Variants in NLRP14 observed in about 807,000 individuals in gnomAD.
NLRP14 encodes NACHT, LRR and PYD domains-containing protein 14.
In NLRP14, 105 loss-of-function variants were observed where a neutral mutation model predicts 94.7. The observed-to-expected ratio is 1.11, with a 90% CI of 0.95 to 1.30. The LOEUF is 1.30. Among genes scored for constraint, NLRP14 ranks in the 50% most tolerant of loss-of-function variants. The probability of loss-of-function intolerance (pLI) is 0.00; values close to 1 mark genes in which losing one functional copy is unlikely to be tolerated. For missense variants in NLRP14, 1,362 were observed against 1,254.1 expected, an observed-to-expected ratio of 1.09 and a Z score of -1.30; for synonymous variants, 508 against 459.9, an observed-to-expected ratio of 1.10 and a Z score of -1.34.
At chr11:7,087,457 G>C in the NLRP14 span, among the ~76,000 whole-genome samples, 1 of 152,122 alleles carries the variant, frequency 6.6e-6, no homozygotes, top group Non-Finnish European at 1.5e-5. Context: ...GTGGCTATCT[G>C]GTCTTATTGT....
At chr11:7,040,947 C>T (rs988551175) in intron 3 of NLRP14, among the ~76,000 whole-genome samples, 3 of 152,064 alleles carry the variant, frequency 2.0e-5, no homozygotes, top group African/African-American at 4.8e-5. Flanking sequence ...GATAATTGCA[C>T]ACAGATAGCT....
intron 1 of NLRP14, among the ~76,000 whole-genome samples, chr11:7,035,237 C>T (rs551034746): frequency 6.6e-6 from 1 of 152,294 alleles, no homozygotes; most frequent in South Asian, 2.1e-4. Flanking sequence ...ATGAGAATCG[C>T]TTGAACCCAG....
At chr11:7,059,861 A>T (rs1233994939) in intron 8 of NLRP14, 33 bp from the exon 9 acceptor site, 2 of 1,577,448 alleles carry the variant, frequency 1.3e-6, no homozygotes, top group African/African-American at 2.7e-5. Flanking sequence ...TAGAGCAATG[A>T]TTCCATCTTT....
At chr11:7,066,039 C>T (rs1411305604) in intron 10 of NLRP14, among the ~76,000 whole-genome samples, 1 of 152,172 alleles carries the variant, frequency 6.6e-6, no homozygotes, top group Non-Finnish European at 1.5e-5. Context: ...GACATGAACT[C>T]ATCCTTTTTT....
At position 7,029,487 on chromosome 11, in the gene NLRP14, A is replaced by G. The variant is rs936202062; in HGVS notation, c.-22+8717A>G. Among the ~76,000 whole-genome samples the G allele has an allele frequency of 3.3e-5, 5 of 152,346 alleles. No homozygotes were observed. The South Asian group carries it at 1.0e-3, about 32-fold the overall frequency. On this transcript the variant is annotated intron_variant, in intron 1 of 11. Coordinates refer to ENST00000299481, the MANE Select transcript of NLRP14 (RefSeq NM_176822.4). Reference sequence around the variant, plus strand: ...TATAAACGCCTCTATCCTCTTCCACACATTTACCACAGAAGATACAGTGTT... The same window carrying G: ...TATAAACGCCTCTATCCTCTTCCACGCATTTACCACAGAAGATACAGTGTT...
At chr11:7,061,321 C>T (rs929622822) in intron 9 of NLRP14, among the ~76,000 whole-genome samples, 1 of 152,086 alleles carries the variant, frequency 6.6e-6, no homozygotes, top group Non-Finnish European at 1.5e-5. Context: ...CAAAGTTTTA[C>T]TTAATGGATG....
At chr11:7,039,560 T>G (rs926826710) in intron 2 of NLRP14, among the ~76,000 whole-genome samples, 154 bp from the exon 3 acceptor site, 1 of 152,142 alleles carries the variant, frequency 6.6e-6, no homozygotes, top group African/African-American at 2.4e-5. Flanking sequence ...TCAGCTAAGC[T>G]TATGGAGTCT....
intron 1 of NLRP14, among the ~76,000 whole-genome samples, chr11:7,029,231 G>T (rs1292376364): frequency 2.0e-5 from 3 of 152,104 alleles, no homozygotes; most frequent in African/African-American, 7.2e-5. Flanking sequence ...GAAGTGACAA[G>T]TTCTTTCAAT....
At chr11:7,076,091 T>C (rs1565030619), downstream of NLRP14, among the ~76,000 whole-genome samples, 1 of 152,188 alleles carries the variant, frequency 6.6e-6, no homozygotes, top group East Asian at 1.9e-4. Context: ...ACAGTGGTGA[T>C]GGTTAGAATA....
intron 1 of NLRP14, among the ~76,000 whole-genome samples, chr11:7,025,887 G>C (rs1302791643): frequency 6.6e-6 from 1 of 151,998 alleles, no homozygotes; most frequent in Non-Finnish European, 1.5e-5. Context: ...TTGTGTTTCA[G>C]AATTAGAACT....
intron 4 of NLRP14, among the ~76,000 whole-genome samples, chr11:7,045,624 G>C (rs545964080): frequency 6.6e-6 from 1 of 152,174 alleles, no homozygotes; most frequent in Non-Finnish European, 1.5e-5. Flanking sequence ...GACCTCAAGT[G>C]ATATAGACCA....
Position 7,049,850 on chromosome 11 carries a change from ATTGTTTTGTC to A in NLRP14, c.2291+22_2291+31del, listed in dbSNP as rs1852417097. 2 of 1,609,862 alleles carry A rather than the reference ATTGTTTTGTC, an allele frequency of 1.2e-6. No individual in the cohort carries two copies. The highest frequency in any genetic ancestry group is 1.7e-6 in the Non-Finnish European group (2 of 1,176,328). On this transcript the variant is annotated intron_variant, in intron 6 of 11. Transcript: ENST00000299481. The stretch of plus-strand genomic sequence containing the variant: ...CTACAGACTCTCAGGTAAGCTTTGA[ATTGTTTTGTC>A]TTGTTTTGTTTTTATAATTGAGGCT...
At chr11:7,033,287 G>C (rs2119578209) in intron 1 of NLRP14, among the ~76,000 whole-genome samples, 1 of 152,296 alleles carries the variant, frequency 6.6e-6, no homozygotes, top group East Asian at 1.9e-4. Flanking sequence ...TAATTGCTCT[G>C]TCATAGTGTA....
In NLRP14 at chr11:7,038,783, A is replaced by G. The variant is rs1413094787; in HGVS notation, c.197A>G (p.Tyr66Cys). 1 of 1,613,442 alleles carries G rather than the reference A, an allele frequency of 6.2e-7. No individual in the cohort carries two copies. The highest frequency in any genetic ancestry group is 1.1e-5 in the South Asian group (1 of 90,912). The change falls in exon 2 of 12, where the codon TAT (tyrosine) becomes TGT (cysteine). Residue 66 changes from tyrosine (Y) to cysteine (C), a missense_variant. Tyr to Cys is a radical substitution (Grantham distance 194). Transcript: ENST00000299481. ...EDLANLMKKY[Y>C]PGEKAWSVSL... Reference sequence around the variant, plus strand: ...CTGGCCAATTTGATGAAGAAATATTATCCAGGAGAGAAAGCCTGGAGTGTG... The same window carrying G: ...CTGGCCAATTTGATGAAGAAATATTGTCCAGGAGAGAAAGCCTGGAGTGTG...
In NLRP14 at chr11:7,049,688, T is replaced by A; in HGVS notation, c.2141T>A (p.Phe714Tyr). The A allele has an allele frequency of 1.9e-6, 3 of 1,612,606 alleles. No homozygotes were observed. The South Asian group carries it at 3.3e-5, about 18-fold the overall frequency. Reference protein sequence around the residue: ...LQKLLLKFITFPDGCQDISTS... With the variant: ...LQKLLLKFITYPDGCQDISTS... ...TTCTGAAGGTTGAAATTTATCACTT[T>A]CCCTGATGGTTGTCAGGATATCTCT... Residue 714 changes from phenylalanine (F) to tyrosine (Y), a missense_variant, in exon 6 of 12, where the codon TTC (phenylalanine) becomes TAC (tyrosine). Phe to Tyr is a conservative substitution (Grantham distance 22). Transcript: ENST00000299481.
intron 2 of NLRP14, among the ~76,000 whole-genome samples, chr11:7,039,102 C>T (rs1240996558): frequency 6.6e-6 from 1 of 152,118 alleles, no homozygotes; most frequent in African/African-American, 2.4e-5. Context: ...GGCAATTCAT[C>T]CATCTTGTAC....
intron 1 of NLRP14, among the ~76,000 whole-genome samples, chr11:7,033,938 A>G (rs1019251693): frequency 3.3e-5 from 5 of 152,224 alleles, no homozygotes; most frequent in African/African-American, 1.2e-4. Context: ...CAGTATCAAT[A>G]GCACATACGA....
At position 7,070,540 on chromosome 11, in the gene NLRP14, C is replaced by CAA. The variant is rs1852778764; in HGVS notation, c.3146+84_3146+85insAA. On this transcript the variant is annotated intron_variant, in intron 11 of 11. Coordinates refer to ENST00000299481, the MANE Select transcript of NLRP14 (RefSeq NM_176822.4). The stretch of plus-strand genomic sequence containing the variant: ...CACTCATTAATACAGGCCTCAGAAT[C>CAA]CACCTAATTGTGTATCATTGGGTAT... 3 of 934,266 alleles carry CAA rather than the reference C, an allele frequency of 3.2e-6. No individual in the cohort carries two copies. In the African/African-American group the frequency reaches 4.9e-5, roughly 15 times the overall value. The allele number at this position is 934,266 out of a possible 1,614,324, so 57.9% of individuals were successfully genotyped here. A position where few individuals can be genotyped will look rare whatever the true frequency, so the allele number is the denominator to read the frequency against.
rs1158753640 is a variant in NLRP14 at position 7,038,716 on chromosome 11, C to T, written c.130C>T (p.Leu44=). 6.2e-7 allele frequency: 1 copy of T among 1,613,986 alleles called. No homozygotes were observed. Among genetic ancestry groups the T allele is most frequent in the Non-Finnish European group, 8.5e-7 (1 of 1,180,008 alleles). ...GGAGACCATGGAACCTGAGCATGGC[C>T]TGACACCCTGGAATGAAGTGAAGAA... The part of the protein sequence containing the change: ...LKETMEPEHG[L]TPWNEVKKAR... Residue 44 remains leucine (L), a synonymous_variant, in exon 2 of 12, where the codon CTG becomes TTG. Coordinates refer to ENST00000299481, the MANE Select transcript of NLRP14 (RefSeq NM_176822.4).
Sources: gnomAD v4.1 joint callset for allele counts (sites outside exome capture counted in the v4.1 genomes callset) on GRCh38, gnomAD v4.1.1 for gene constraint, MANE v1.5 for transcripts, NCBI Gene and HGNC (gene_info 2026-07-23, HGNC 2026-07-21) for gene names.